The following THSD7B variants were observed in gnomAD, a reference collection of about 807,000 sequenced individuals.
The protein encoded by THSD7B is thrombospondin type-1 domain-containing protein 7B.
Under a neutral mutation model 213.6 loss-of-function variants are expected in THSD7B, and 138 were observed. That is an observed-to-expected ratio of 0.65 (90% confidence interval 0.56 to 0.74). The LOEUF (loss-of-function observed/expected upper bound fraction) is 0.74. THSD7B is among the 30% of genes least tolerant of loss of function. THSD7B has a pLI of 0.00. For synonymous variants in THSD7B, 742 were observed against 687.0 expected, an observed-to-expected ratio of 1.08 and a Z score of -1.25; for missense variants, 1,931 against 1,991.5, an observed-to-expected ratio of 0.97 and a Z score of 0.58.
At chr2:137,433,733 A>G (rs549006442) in intron 14 of THSD7B, among the ~76,000 whole-genome samples, 3 of 130,368 alleles carry the variant, frequency 2.3e-5, no homozygotes, top group Non-Finnish European at 5.2e-5. Context: ...TGCTCAGTAG[A>G]TGACATTTAC....
chr2:137,616,361 C>G, intron 18 of THSD7B, 45 bp downstream of exon 18: 1 of 1,566,214 alleles, frequency 6.4e-7, no homozygotes, highest in South Asian at 1.1e-5. Flanking sequence ...TGAACATTGA[C>G]TAATGAGAGA....
chr2:136,872,390 T>TGGGGGGGGGG (rs201478828), intron 1 of THSD7B, among the ~76,000 whole-genome samples: 2 of 38,632 alleles, frequency 5.2e-5, no homozygotes, highest in African/African-American at 1.3e-4. Flanking sequence ...TTCGGGGGGG[T>TGGGGGGGGGG]GGGGGGGACT....
At chr2:137,006,795 G>A (rs560967045) in intron 2 of THSD7B, among the ~76,000 whole-genome samples, 3 of 152,172 alleles carry the variant, frequency 2.0e-5, no homozygotes, top group Admixed American at 6.5e-5. Flanking sequence ...TCCATACTAA[G>A]GGGCACATTT....
Position 137,411,623 on chromosome 2 carries a change from A to G in THSD7B, c.2710A>G (p.Lys904Glu), listed in dbSNP as rs1686654911. 7.4e-6 allele frequency: 12 copies of G among 1,611,238 alleles called. No individual in the cohort carries two copies. In the East Asian group the frequency reaches 2.7e-4, roughly 36 times the overall value. The change falls in exon 14 of 28, where the codon AAG becomes GAG. Residue 904 changes from lysine to glutamate, a missense_variant. By Grantham distance (56) the Lys-to-Glu change is moderately conservative. Transcript: ENST00000409968. ...RRQLTGKSRK[K>E]EKCQDSDLYP... ...TGTTGGAACAGGGAAAAGCAGAAAG[A>G]AGGAGAAATGCCAGGATTCTGACCT...
chr2:136,938,908 G>A (rs1684774621), intron 2 of THSD7B, among the ~76,000 whole-genome samples: 1 of 152,130 alleles, frequency 6.6e-6, no homozygotes, highest in African/African-American at 2.4e-5. Context: ...AATCACTACA[G>A]AATTAATGGG....
chr2:137,140,188 T>A (rs988847), intron 5 of THSD7B, among the ~76,000 whole-genome samples: 102,261 of 151,950 alleles, frequency 0.67, 36,353 homozygotes, highest in Non-Finnish European at 0.78. Flanking sequence ...TAGATGTACA[T>A]GCAGAATATT....
chr2:137,069,066 C>G (rs1480391016), intron 3 of THSD7B, among the ~76,000 whole-genome samples: 7 of 152,000 alleles, frequency 4.6e-5, no homozygotes, highest in Non-Finnish European at 1.0e-4. Context: ...CTACTCTGCT[C>G]TCTCATCATT....
At chr2:137,279,709 T>A (rs1197991753) in intron 12 of THSD7B, among the ~76,000 whole-genome samples, 2 of 152,142 alleles carry the variant, frequency 1.3e-5, no homozygotes, top group Non-Finnish European at 2.9e-5. Flanking sequence ...AAGCTTCTGC[T>A]GTCAGCATTT....
chr2:137,583,152 T>C (rs560258479), intron 17 of THSD7B, among the ~76,000 whole-genome samples: 1 of 152,340 alleles, frequency 6.6e-6, no homozygotes, highest in South Asian at 2.1e-4. Flanking sequence ...TTGAGAAGTG[T>C]CTGTTCATAT....
chr2:137,581,057 A>C (rs1681563102), intron 17 of THSD7B, among the ~76,000 whole-genome samples: 1 of 152,122 alleles, frequency 6.6e-6, no homozygotes, highest in Non-Finnish European at 1.5e-5. Context: ...AATATGTCTG[A>C]GCTTTTGTTA....
At chr2:136,955,795 G>C (rs996784507) in intron 2 of THSD7B, among the ~76,000 whole-genome samples, 18 of 152,184 alleles carry the variant, frequency 1.2e-4, no homozygotes, top group Admixed American at 1.2e-3. Context: ...TGGGACTACA[G>C]GTGCCTGCCC....
chr2:137,407,144 T>C (rs1686543085), intron 13 of THSD7B, among the ~76,000 whole-genome samples: 1 of 152,190 alleles, frequency 6.6e-6, no homozygotes, highest in Non-Finnish European at 1.5e-5. Context: ...ATGGAAAATA[T>C]TGAAAATCCT....
At chr2:136,860,848 T>C (rs1683247672) in intron 1 of THSD7B, among the ~76,000 whole-genome samples, 1 of 152,246 alleles carries the variant, frequency 6.6e-6, no homozygotes, top group African/African-American at 2.4e-5. Flanking sequence ...CAGTGGACTG[T>C]AAGGGCCCTG....
intron 12 of THSD7B, among the ~76,000 whole-genome samples, chr2:137,288,526 A>G (rs1683239571): frequency 6.6e-6 from 1 of 152,048 alleles, no homozygotes; most frequent in South Asian, 2.1e-4. Flanking sequence ...TAACAGAAGA[A>G]TGACTTCAGG....
At chr2:136,862,098 T>C (rs1683265517) in intron 1 of THSD7B, among the ~76,000 whole-genome samples, 1 of 152,218 alleles carries the variant, frequency 6.6e-6, no homozygotes, top group African/African-American at 2.4e-5. Context: ...AGCTGCAATA[T>C]ATTTTATGTA....
At chr2:137,295,340 A>T (rs1471930764) in intron 12 of THSD7B, among the ~76,000 whole-genome samples, 1 of 152,112 alleles carries the variant, frequency 6.6e-6, no homozygotes, top group Non-Finnish European at 1.5e-5. Flanking sequence ...ACACAAATGC[A>T]TATTTTTTTC....
chr2:137,644,917 A>T (rs1395784483), intron 21 of THSD7B, among the ~76,000 whole-genome samples: 1 of 152,134 alleles, frequency 6.6e-6, no homozygotes, highest in Non-Finnish European at 1.5e-5. Flanking sequence ...GGAAGTATTT[A>T]TCCTCAGGCA....
intron 7 of THSD7B, among the ~76,000 whole-genome samples, chr2:137,195,816 G>A (rs770447800): frequency 1.3e-5 from 2 of 152,116 alleles, no homozygotes; most frequent in African/African-American, 4.8e-5. Flanking sequence ...GTTGACACTA[G>A]TGGATGAAAT....
chr2:137,363,239 G>T (rs997428929), intron 12 of THSD7B, among the ~76,000 whole-genome samples: 11 of 152,200 alleles, frequency 7.2e-5, no homozygotes, highest in African/African-American at 2.4e-4. Flanking sequence ...TTAAAGCAGT[G>T]TGTAGAGGGA....
Sources: gnomAD v4.1 joint callset for allele counts (sites outside exome capture counted in the v4.1 genomes callset) on GRCh38, gnomAD v4.1.1 for gene constraint, MANE v1.5 for transcripts, NCBI Gene and HGNC (gene_info 2026-07-23, HGNC 2026-07-21) for gene names.